Variants in STAT2 observed in about 807,000 individuals in gnomAD.
STAT2 encodes the protein signal transducer and activator of transcription 2, also known as interferon alpha induced transcriptional activator.
A neutral mutation model predicts 122.3 loss-of-function variants in STAT2; 51 were observed. The observed-to-expected ratio is 0.42, with a 90% CI of 0.33 to 0.53. The LOEUF (loss-of-function observed/expected upper bound fraction) is 0.53, where lower values mean the gene tolerates loss of function less well. Ranked by LOEUF, STAT2 falls within the 20% of genes least tolerant of loss-of-function variation. The pLI is 0.10. For missense variants in STAT2, 736 were observed against 1,010.3 expected, an observed-to-expected ratio of 0.73 and a Z score of 3.68; for synonymous variants, 351 against 394.9, an observed-to-expected ratio of 0.89 and a Z score of 1.32.
rs1303622122 is a variant in STAT2 at position 56,344,099 on chromosome 12, C to T, written c.2139G>A (p.Lys713=). 8 of 1,576,114 alleles carry T rather than the reference C, an allele frequency of 5.1e-6. No individual in the cohort carries two copies. The highest frequency in any genetic ancestry group is 6.9e-6 in the Non-Finnish European group (8 of 1,159,552). ...VDELQQPLEL[K]PEPELESLEL... ...CTAATGACTCCAGCTCTGGCTCTGG[C>T]TTAAGCTCCAGCGGTTGTTGCAGTT... is the stretch of plus-strand genomic sequence containing the variant. The change falls in exon 23 of 24, where the codon AAG becomes AAA. Residue 713 remains lysine, a synonymous_variant. Coordinates refer to ENST00000314128, the MANE Select transcript of STAT2 (RefSeq NM_005419.4).
chr12:56,347,016 C>T, intron 19 of STAT2, 61 bp from the exon 20 acceptor site: 3 of 1,591,654 alleles, frequency 1.9e-6, no homozygotes, highest in African/African-American at 1.3e-5. Flanking sequence ...AGGCCCCTGC[C>T]TCCCTGCTCC....
Position 56,341,598 on chromosome 12 carries a change from T to G in STAT2, c.*1791A>C, listed in dbSNP as rs11575251. On this transcript the variant is annotated 3_prime_UTR_variant, in exon 24 of 24. Transcript: ENST00000314128. The stretch of plus-strand genomic sequence containing the variant: ...ATAAAGAGGATCAGAGATGAGACAT[T>G]TCCAGATCAGCACAAAGTTTATTAG... The G allele has an allele frequency of 6.6e-6, 1 of 152,222 alleles. No homozygotes were observed. Among genetic ancestry groups the G allele is most frequent in the Admixed American group, 6.5e-5 (1 of 15,282 alleles). The allele number at this position is 152,222 out of a possible 1,614,324, so 9.4% of individuals were successfully genotyped here.
At chr12:56,354,713 G>A in intron 7 of STAT2, 65 bp downstream of exon 7, 1 of 1,612,596 alleles carries the variant, frequency 6.2e-7, no homozygotes, top group Non-Finnish European at 8.5e-7. Context: ...TAGAGGACCA[G>A]GGTCCCCACA....
chr12:56,355,126 G>C, intron 6 of STAT2, 150 bp downstream of exon 6: 1 of 914,714 alleles, frequency 1.1e-6, no homozygotes, highest in Non-Finnish European at 1.7e-6. Context: ...CCTCCACAAA[G>C]CACTTCCAGC....
In STAT2 at chr12:56,343,831, T is replaced by A; in HGVS notation, c.2407A>T (p.Met803Leu). 6.2e-7 allele frequency: 1 copy of A among 1,614,070 alleles called. No individual in the cohort carries two copies. Among genetic ancestry groups the A allele is most frequent in the Non-Finnish European group, 8.5e-7 (1 of 1,179,882 alleles). ...GCTCCATCTCATCACTTACTTTCCA[T>A]TGGCTCAGTGTTCAAATGTCTCAGA... ...CDLRHLNTEP[M>L]EIFRNCVKIE... The change falls in exon 23 of 24, where the codon ATG becomes TTG. Residue 803 changes from methionine (M) to leucine (L), a missense_variant. Coordinates refer to ENST00000314128, the MANE Select transcript of STAT2 (RefSeq NM_005419.4).
chr12:56,343,978 CAG>C lies in STAT2; in HGVS notation c.2258_2259del (p.Ser753CysfsTer41). The stretch of plus-strand genomic sequence containing the variant: ...ACAGGCTCCAGAGTGGACTCCAGCA[CAG>C]ACTCTAGCTCTGGCCCCAGATCCAG... ...AGLDLGPELE[S>X]VLESTLEPVI... On this transcript the variant is annotated frameshift_variant, in exon 23 of 24. Coordinates refer to ENST00000314128, the MANE Select transcript of STAT2 (RefSeq NM_005419.4). LOFTEE classifies it high-confidence loss of function. 6.2e-7 allele frequency: 1 copy of C among 1,614,178 alleles called. No homozygotes were observed. The highest frequency in any genetic ancestry group is 8.5e-7 in the Non-Finnish European group (1 of 1,180,018).
intron 19 of STAT2, among the ~76,000 whole-genome samples, chr12:56,348,087 GTTTTT>G (rs745864117): frequency 8.4e-6 from 1 of 119,572 alleles, no homozygotes; most frequent in Non-Finnish European, 1.8e-5. Flanking sequence ...ATTATTGGTT[GTTTTT>G]TTTTTTTTTT....
At chr12:56,348,482 A>T (rs1263837009) in intron 19 of STAT2, 47 bp downstream of exon 19, 1 of 1,603,408 alleles carries the variant, frequency 6.2e-7, no homozygotes. Flanking sequence ...TCCACTCTCA[A>T]GCCCGGAAAG....
intron 12 of STAT2, 105 bp from the exon 13 acceptor site, chr12:56,350,295 C>T: frequency 2.8e-6 from 4 of 1,442,240 alleles, no homozygotes; most frequent in Non-Finnish European, 3.8e-6. Context: ...CTCGCCATCT[C>T]CCTTTGTCCA....
chr12:56,350,540 T>C (rs11575233), intron 11 of STAT2, 108 bp from the exon 12 acceptor site: 142 of 994,030 alleles, frequency 1.4e-4, no homozygotes, highest in Non-Finnish European at 2.0e-4. Context: ...TTGAGCTCAC[T>C]AGCTATGTGG....
intron 1 of STAT2, among the ~76,000 whole-genome samples, chr12:56,357,875 A>G (rs1256511920): frequency 1.3e-5 from 2 of 151,674 alleles, no homozygotes; most frequent in Non-Finnish European, 2.9e-5. Context: ...CATGCCAGCT[A>G]ATTTTTTGTA....
Position 56,350,091 on chromosome 12 carries a change from T to C in STAT2, c.1209+6A>G. 6.2e-7 allele frequency: 1 copy of C among 1,605,038 alleles called. No individual in the cohort carries two copies. The highest frequency in any genetic ancestry group is 8.5e-7 in the Non-Finnish European group (1 of 1,174,004). On this transcript the variant is annotated splice_donor_region_variant and intron_variant, in intron 13 of 23. Coordinates refer to ENST00000314128, the MANE Select transcript of STAT2 (RefSeq NM_005419.4). ...AATAAAAGCATAGGTCACAAACTAT[T>C]CTTACCAGGTAACCAAAGTCCCAAA...
At chr12:56,350,944 C>A in intron 10 of STAT2, 56 bp from the exon 11 acceptor site, 1 of 1,602,480 alleles carries the variant, frequency 6.2e-7, no homozygotes, top group South Asian at 1.1e-5. Context: ...TCCGGATAGA[C>A]TAGATGTTTG....
chr12:56,354,451 G>C lies in STAT2; in HGVS notation c.782+15C>G. ...AGCGCATGGCGAGGACGAGGGTTGGGGTGGTACCTCTCACCATGTCTCCAG... is the reference window on the plus strand; with the variant it reads ...AGCGCATGGCGAGGACGAGGGTTGGCGTGGTACCTCTCACCATGTCTCCAG... On this transcript the variant is annotated intron_variant, in intron 8 of 23. Transcript: ENST00000314128. 2 of 1,614,034 alleles carry C rather than the reference G, an allele frequency of 1.2e-6. No homozygotes were observed. Among genetic ancestry groups the C allele is most frequent in the Non-Finnish European group, 1.7e-6 (2 of 1,180,020 alleles).
At chr12:56,350,459 C>G in intron 11 of STAT2, 27 bp from the exon 12 acceptor site, 1 of 1,589,404 alleles carries the variant, frequency 6.3e-7, no homozygotes, top group Admixed American at 1.8e-5. Flanking sequence ...TTAAAAAAAT[C>G]ATTGGGCAAA....
In STAT2 at chr12:56,343,894, C is replaced by T. The variant is rs1469214235; in HGVS notation, c.2344G>A (p.Val782Ile). 3 of 1,614,086 alleles carry T rather than the reference C, an allele frequency of 1.9e-6. No homozygotes were observed. The African/African-American group carries it at 4.0e-5, about 22-fold the overall frequency. ...QTVPEPDQGP[V>I]SQPVPEPDLP... Reference sequence around the variant, plus strand: ...TCTGGCTCTGGCACTGGCTGTGATACAGGTCCTTGGTCTGGCTCTGGCACT... The same window carrying T: ...TCTGGCTCTGGCACTGGCTGTGATATAGGTCCTTGGTCTGGCTCTGGCACT... Residue 782 changes from valine to isoleucine, a missense_variant, in exon 23 of 24, where the codon GTA (valine) becomes ATA (isoleucine). By Grantham distance (29) the Val-to-Ile change is conservative. Transcript: ENST00000314128.
intron 8 of STAT2, among the ~76,000 whole-genome samples, chr12:56,352,704 CT>C (rs113384062): frequency 0.2 from 29,003 of 144,968 alleles, 5,868 homozygotes; most frequent in African/African-American, 0.53. Context: ...TTTTAATCTA[CT>C]TTTTTTTTTT....
chr12:56,354,708 G>T, intron 7 of STAT2, 70 bp downstream of exon 7: 12 of 1,612,886 alleles, frequency 7.4e-6, no homozygotes, highest in Non-Finnish European at 8.5e-6. Flanking sequence ...AGCGCTAGAG[G>T]ACCAGGGTCC....
intron 12 of STAT2, 75 bp downstream of exon 12, chr12:56,350,337 C>T: frequency 6.6e-7 from 1 of 1,509,250 alleles, no homozygotes; most frequent in Non-Finnish European, 9.0e-7. Context: ...TTGTTTGTGC[C>T]ACCAGGGCTG....
Sources: allele counts gnomAD v4.1 joint callset (sites outside exome capture counted in the v4.1 genomes callset), GRCh38; gene constraint gnomAD v4.1.1; transcripts MANE v1.5; gene names NCBI Gene and HGNC (gene_info 2026-07-23, HGNC 2026-07-21).